UGGT2: variants seen among roughly 807,000 people sequenced by gnomAD.
The protein encoded by UGGT2 is UDP-glucose glycoprotein glucosyltransferase 2, also known as UDP-glucose:glycoprotein glucosyltransferase 2.
In UGGT2, 180 loss-of-function variants were observed where a neutral mutation model predicts 192.1. The ratio of observed to expected loss-of-function variants is 0.94; its 90% CI spans 0.83 to 1.06. The LOEUF is 1.06. Among genes scored for constraint, UGGT2 ranks in the 50% least tolerant of loss-of-function variants. The pLI, the probability that UGGT2 is intolerant of heterozygous loss-of-function variation, is 0.00. For synonymous variants in UGGT2, 580 were observed against 591.0 expected (o/e 0.98, Z 0.27); for missense variants, 1,849 against 1,795.7 (o/e 1.03, Z -0.54).
intron 17 of UGGT2, among the ~76,000 whole-genome samples, chr13:95,935,939 G>T (rs2049448304): frequency 6.6e-6 from 1 of 152,076 alleles, no homozygotes; most frequent in Admixed American, 6.6e-5. Flanking sequence ...TGATCCTCTT[G>T]CCTCAGCCTT....
At chr13:95,923,048 C>A (rs904526231) in intron 20 of UGGT2, among the ~76,000 whole-genome samples, 1 of 151,972 alleles carries the variant, frequency 6.6e-6, no homozygotes, top group Non-Finnish European at 1.5e-5. Flanking sequence ...ATATTCAGTA[C>A]GTTCTTTTCT....
At chr13:95,957,614 G>A (rs183665122) in intron 12 of UGGT2, among the ~76,000 whole-genome samples, 3 of 152,336 alleles carry the variant, frequency 2.0e-5, no homozygotes, top group South Asian at 2.1e-4. Context: ...GGGACAATGG[G>A]AGCAGCATAA....
At chr13:95,876,873 T>TC (rs1891731417) in intron 29 of UGGT2, 1 of 145,782 alleles carries the variant, frequency 6.9e-6, no homozygotes, top group Non-Finnish European at 1.5e-5. Flanking sequence ...AACTCAGTCA[T>TC]CTTTTTTTTT....
chr13:95,963,454 G>T (rs887829349), intron 12 of UGGT2, among the ~76,000 whole-genome samples: 78 of 152,252 alleles, frequency 5.1e-4, no homozygotes, highest in African/African-American at 1.8e-3. Flanking sequence ...CATACGCACT[G>T]TGGAAAAGCT....
chr13:95,827,789 C>T (rs906037859), intron 38 of UGGT2, among the ~76,000 whole-genome samples: 1 of 152,076 alleles, frequency 6.6e-6, no homozygotes, highest in Non-Finnish European at 1.5e-5. Flanking sequence ...TAGATACTGA[C>T]CATTTGCATC....
At chr13:96,013,246 T>C in intron 5 of UGGT2, 61 bp downstream of exon 5, 1 of 1,461,952 alleles carries the variant, frequency 6.8e-7, no homozygotes, top group Non-Finnish European at 9.2e-7. Context: ...AGTAAGACGA[T>C]TATCATAATA....
intron 34 of UGGT2, among the ~76,000 whole-genome samples, chr13:95,855,449 AG>A (rs1405908306): frequency 6.7e-6 from 1 of 150,186 alleles, no homozygotes; most frequent in Non-Finnish European, 1.5e-5. Context: ...AAAAAGGAAA[AG>A]TCATAATTTT....
chr13:95,897,982 A>G (rs1172263035), intron 22 of UGGT2, among the ~76,000 whole-genome samples: 1 of 151,858 alleles, frequency 6.6e-6, no homozygotes, highest in Non-Finnish European at 1.5e-5. Context: ...AGCCTTCCTC[A>G]CCTTGATCCA....
At chr13:95,821,728 T>C (rs1480081185) in intron 38 of UGGT2, among the ~76,000 whole-genome samples, 1 of 152,166 alleles carries the variant, frequency 6.6e-6, no homozygotes, top group African/African-American at 2.4e-5. Context: ...CATCTTGAGT[T>C]AATTTTTGTA....
At chr13:95,994,181 T>C (rs1165994445) in intron 7 of UGGT2, among the ~76,000 whole-genome samples, 2 of 152,020 alleles carry the variant, frequency 1.3e-5, no homozygotes, top group African/African-American at 2.4e-5. Context: ...TGTCAGAACT[T>C]TATCAACTCC....
chr13:95,996,069 T>G lies in UGGT2; in HGVS notation c.824A>C (p.Lys275Thr). ...CATTTCCATTCAGACTTACTTTAGT[T>G]TCCCAAAGAGAAATCCTTGAACTTC... ...TNEVQGFLFG[K>T]LKEIYSDLRD... Residue 275 changes from lysine to threonine, a missense_variant, in exon 7 of 39, where the codon AAA (lysine) becomes ACA (threonine). Physicochemically the swap from Lys to Thr is moderately conservative, Grantham distance 78. Coordinates refer to ENST00000376747, the MANE Select transcript of UGGT2 (RefSeq NM_020121.4). The G allele has an allele frequency of 6.2e-7, 1 of 1,613,250 alleles. No individual in the cohort carries two copies. The highest frequency in any genetic ancestry group is 2.2e-5 in the East Asian group (1 of 44,828).
chr13:95,988,244 T>G (rs1453456670), intron 8 of UGGT2, among the ~76,000 whole-genome samples: 1 of 152,182 alleles, frequency 6.6e-6, no homozygotes, highest in East Asian at 1.9e-4. Context: ...TTTTAGTTTG[T>G]GTGTGCCAAC....
intron 34 of UGGT2, 87 bp from the exon 35 acceptor site, chr13:95,854,562 C>T (rs1014425273): frequency 4.2e-6 from 5 of 1,194,376 alleles, no homozygotes; most frequent in Non-Finnish European, 5.7e-6. Flanking sequence ...TATTACTCTA[C>T]TACAGAAATC....
At chr13:96,006,581 A>T (rs1431268816) in intron 5 of UGGT2, among the ~76,000 whole-genome samples, 1 of 138,308 alleles carries the variant, frequency 7.2e-6, no homozygotes, top group African/African-American at 2.7e-5. Flanking sequence ...CTGAGATTGC[A>T]CCACTGCACT....
At chr13:95,856,963 G>C (rs1889679333) in intron 33 of UGGT2, among the ~76,000 whole-genome samples, 1 of 152,018 alleles carries the variant, frequency 6.6e-6, no homozygotes, top group Non-Finnish European at 1.5e-5. Flanking sequence ...TATACTGTGG[G>C]CTAAATTTAG....
intron 27 of UGGT2, among the ~76,000 whole-genome samples, chr13:95,878,596 T>A (rs1170386433): frequency 6.6e-6 from 1 of 152,194 alleles, no homozygotes; most frequent in Admixed American, 6.5e-5. Flanking sequence ...TTTTCTCTAC[T>A]TCATATGAAC....
Position 95,877,810 on chromosome 13 carries a change from A to G in UGGT2, c.3275T>C (p.Leu1092Pro). 3.1e-6 allele frequency: 5 copies of G among 1,614,034 alleles called. No homozygotes were observed. In the South Asian group the frequency reaches 5.5e-5, roughly 18 times the overall value. The change falls in exon 28 of 39, where the codon CTG (leucine) becomes CCG (proline). Residue 1092 changes from leucine to proline, a missense_variant. Transcript: ENST00000376747. ...TAEYELEYLL[L>P]EGQCFDKVTE... ...CACTTTATCAAAGCATTGTCCTTCC[A>G]GTAGTAAGTATTCTAGTTCATATTC...
intron 30 of UGGT2, among the ~76,000 whole-genome samples, chr13:95,864,419 T>C (rs1206579564): frequency 6.6e-6 from 1 of 151,632 alleles, no homozygotes; most frequent in East Asian, 1.9e-4. Flanking sequence ...CACTGAAGAG[T>C]CGGAAAAGCT....
intron 33 of UGGT2, among the ~76,000 whole-genome samples, chr13:95,859,330 G>T (rs1435074063): frequency 2.0e-5 from 3 of 151,878 alleles, no homozygotes; most frequent in Non-Finnish European, 4.4e-5. Flanking sequence ...TTGCCAAATT[G>T]TATTTAATTA....
Sources: allele counts gnomAD v4.1 joint callset (sites outside exome capture counted in the v4.1 genomes callset), GRCh38; gene constraint gnomAD v4.1.1; transcripts MANE v1.5; gene names NCBI Gene and HGNC (gene_info 2026-07-23, HGNC 2026-07-21).